TMEM232: variants seen among roughly 807,000 people sequenced by gnomAD.
TMEM232 encodes the protein transmembrane protein 232.
In TMEM232, 80 loss-of-function variants were observed where a neutral mutation model predicts 78.8. The observed-to-expected ratio is 1.01, with a 90% confidence interval of 0.85 to 1.22. The LOEUF (loss-of-function observed/expected upper bound fraction) is 1.22. Ranked by LOEUF, TMEM232 falls within the 50% of genes most tolerant of loss-of-function variation. TMEM232 has a pLI of 0.00. For missense variants in TMEM232, 881 were observed against 742.2 expected (o/e 1.19, Z -2.17); for synonymous variants, 297 against 254.3 (o/e 1.17, Z -1.60).
chr5:110,691,154 A>AG (rs1794074169), intron 1 of TMEM232, among the ~76,000 whole-genome samples: 1 of 151,612 alleles, frequency 6.6e-6, no homozygotes, highest in East Asian at 1.9e-4. Context: ...GGAAAAAAAA[A>AG]AAAAAGAAAG....
intron 12 of TMEM232, among the ~76,000 whole-genome samples, chr5:110,454,479 A>G (rs1561515326): frequency 6.6e-6 from 1 of 152,096 alleles, no homozygotes; most frequent in Non-Finnish European, 1.5e-5. Flanking sequence ...TGGGCAACAT[A>G]GCAAGACTCT....
At chr5:110,722,220 G>A (rs1229348227) in intron 1 of TMEM232, among the ~76,000 whole-genome samples, 2 of 152,124 alleles carry the variant, frequency 1.3e-5, no homozygotes, top group African/African-American at 4.8e-5. Flanking sequence ...AGGCTTGGCT[G>A]TTGTATTAAT....
At chr5:110,504,439 G>A (rs1766634284) in intron 12 of TMEM232, among the ~76,000 whole-genome samples, 1 of 152,088 alleles carries the variant, frequency 6.6e-6, no homozygotes, top group South Asian at 2.1e-4. Flanking sequence ...ATTCCCCAAA[G>A]AAACAAAACC....
intron 11 of TMEM232, among the ~76,000 whole-genome samples, chr5:110,561,962 A>C (rs1775798081): frequency 6.6e-6 from 1 of 152,092 alleles, no homozygotes; most frequent in Non-Finnish European, 1.5e-5. Flanking sequence ...CTATTATCTA[A>C]ATCAAGTAAT....
Position 110,528,812 on chromosome 5 carries a change from A to G in TMEM232, c.1479T>C (p.Asp493=), listed in dbSNP as rs978129597. The change falls in exon 12 of 14, where the codon GAT becomes GAC. Residue 493 remains aspartate (D), a synonymous_variant. Coordinates refer to ENST00000455884, the MANE Select transcript of TMEM232 (RefSeq NM_001039763.4). ...IAQAELNDPT[D]PFTRYSTNIS... ...TATTTGTACTATATCTAGTGAAAGG[A>G]TCAGTTGGGTCATTTAACTCAGCCT... 2.7e-5 allele frequency: 40 copies of G among 1,499,226 alleles called. No individual in the cohort carries two copies. The highest frequency in any genetic ancestry group is 3.4e-5 in the Non-Finnish European group (38 of 1,127,084). The allele number at this position is 1,499,226 out of a possible 1,614,324, so 92.9% of individuals were successfully genotyped here.
At chr5:110,635,344 C>T (rs1158549646) in intron 5 of TMEM232, among the ~76,000 whole-genome samples, 2 of 151,940 alleles carry the variant, frequency 1.3e-5, no homozygotes, top group Admixed American at 6.6e-5. Context: ...CCAAGGCCAG[C>T]GTTACCCTAA....
At chr5:110,463,213 C>T (rs2149358676) in intron 12 of TMEM232, among the ~76,000 whole-genome samples, 1 of 152,294 alleles carries the variant, frequency 6.6e-6, no homozygotes, top group South Asian at 2.1e-4. Flanking sequence ...CCTGATCAGT[C>T]AGCAGCCATC....
chr5:110,670,049 G>A (rs1348416471), intron 1 of TMEM232, among the ~76,000 whole-genome samples: 2 of 152,136 alleles, frequency 1.3e-5, no homozygotes, highest in Non-Finnish European at 2.9e-5. Flanking sequence ...AAAACTGGAA[G>A]CATTCCCTTT....
intron 3 of TMEM232, among the ~76,000 whole-genome samples, chr5:110,391,326 T>TGAGAGAGAGAGAGAGAGAGAGAGA (rs71626630): frequency 1.4e-5 from 2 of 139,812 alleles, no homozygotes; most frequent in African/African-American, 5.9e-5. Context: ...TGTGTGTGTG[T>TGAGAGAGAGAGAGAGAGAGAGAGA]GAGAGAGAGA....
chr5:110,584,583 G>T (rs1183648403), intron 10 of TMEM232, among the ~76,000 whole-genome samples: 4 of 152,030 alleles, frequency 2.6e-5, no homozygotes, highest in African/African-American at 9.7e-5. Flanking sequence ...GTAAAACATT[G>T]TGTCTCTAGA....
intron 2 of TMEM232, among the ~76,000 whole-genome samples, chr5:110,665,664 C>T (rs183863620): frequency 6.6e-6 from 1 of 152,158 alleles, no homozygotes; most frequent in African/African-American, 2.4e-5. Flanking sequence ...CCTCATTTGA[C>T]ACATGGGGAT....
chr5:110,680,831 A>T (rs1792648911), intron 1 of TMEM232, among the ~76,000 whole-genome samples: 1 of 152,130 alleles, frequency 6.6e-6, no homozygotes, highest in Admixed American at 6.5e-5. Flanking sequence ...AAGGAGGGAA[A>T]AAGAAAGTAA....
At chr5:110,622,429 C>T (rs953948273) in intron 7 of TMEM232, among the ~76,000 whole-genome samples, 3 of 152,190 alleles carry the variant, frequency 2.0e-5, no homozygotes, top group Non-Finnish European at 4.4e-5. Context: ...CAAGTGACAA[C>T]TGTGCTTAGA....
chr5:110,464,742 G>A (rs72788430), intron 12 of TMEM232, among the ~76,000 whole-genome samples: 10,583 of 152,108 alleles, frequency 0.07, 473 homozygotes, highest in Admixed American at 0.12. Context: ...AGGATAATAC[G>A]AATCACCATA....
intron 5 of TMEM232, 142 bp downstream of exon 5, chr5:110,638,056 A>T (rs1786124108): frequency 1.6e-6 from 1 of 623,082 alleles, no homozygotes. Flanking sequence ...TACTACTCAC[A>T]ATTAGAGAAG....
At chr5:110,560,409 T>C (rs935287018) in intron 11 of TMEM232, among the ~76,000 whole-genome samples, 3 of 152,144 alleles carry the variant, frequency 2.0e-5, no homozygotes, top group South Asian at 2.1e-4. Flanking sequence ...TAGCTTGAAA[T>C]TGAATATATC....
chr5:110,738,937 T>G, upstream of TMEM232: 2 of 1,424,738 alleles, frequency 1.4e-6, no homozygotes, highest in Non-Finnish European at 1.8e-6. Flanking sequence ...TGCCCTTTAA[T>G]GGTTGCCGGA....
intron 3 of TMEM232, among the ~76,000 whole-genome samples, chr5:110,396,918 C>G (rs540377104): frequency 3.7e-4 from 57 of 152,130 alleles, no homozygotes; most frequent in Non-Finnish European, 7.6e-4. Flanking sequence ...AAGCAAAGAG[C>G]TGAAAAACTC....
intron 12 of TMEM232, among the ~76,000 whole-genome samples, chr5:110,488,855 A>G (rs905724424): frequency 6.6e-6 from 1 of 152,008 alleles, no homozygotes; most frequent in African/African-American, 2.4e-5. Context: ...AAATTTTTAA[A>G]TGAGAATGAA....
Sources: allele counts gnomAD v4.1 joint callset (sites outside exome capture counted in the v4.1 genomes callset), GRCh38; gene constraint gnomAD v4.1.1; transcripts MANE v1.5; gene names NCBI Gene and HGNC (gene_info 2026-07-23, HGNC 2026-07-21).